Variants in TXNDC16 observed in about 807,000 individuals in gnomAD.
TXNDC16 encodes the protein thioredoxin domain containing 16.
In TXNDC16, 74 loss-of-function variants were observed where a neutral mutation model predicts 85.6. The observed-to-expected ratio is 0.86, with a 90% CI of 0.72 to 1.05. The LOEUF is 1.05. Ranked by LOEUF, TXNDC16 falls within the 50% of genes least tolerant of loss-of-function variation. TXNDC16 has a pLI of 0.00. For missense variants in TXNDC16, 959 were observed against 947.0 expected (o/e 1.01, Z -0.17); for synonymous variants, 335 against 326.5 (o/e 1.03, Z -0.28).
intron 16 of TXNDC16, among the ~76,000 whole-genome samples, chr14:52,464,482 T>C (rs1461847118): frequency 6.6e-6 from 1 of 152,176 alleles, no homozygotes; most frequent in African/African-American, 2.4e-5. Context: ...GTGTGAATAA[T>C]AAATGAGAAG....
At chr14:52,484,706 C>G (rs916095081) in intron 12 of TXNDC16, among the ~76,000 whole-genome samples, 8 of 152,140 alleles carry the variant, frequency 5.3e-5, no homozygotes, top group African/African-American at 1.9e-4. Flanking sequence ...ATGGTGAAAC[C>G]CCGTCTCTAC....
At chr14:52,434,568 CA>C (rs2034983525) in intron 20 of TXNDC16, among the ~76,000 whole-genome samples, 1 of 152,046 alleles carries the variant, frequency 6.6e-6, no homozygotes, top group Admixed American at 6.6e-5. Context: ...GTGTAAATCT[CA>C]AGTAAGAATT....
At chr14:52,527,481 T>C (rs2037364101) in intron 6 of TXNDC16, among the ~76,000 whole-genome samples, 1 of 152,198 alleles carries the variant, frequency 6.6e-6, no homozygotes, top group Non-Finnish European at 1.5e-5. Flanking sequence ...CAAATGCTTA[T>C]ATTTAGTGAT....
At chr14:52,529,327 T>C (rs1243784801) in intron 6 of TXNDC16, among the ~76,000 whole-genome samples, 1 of 128,966 alleles carries the variant, frequency 7.8e-6, no homozygotes, top group African/African-American at 3.0e-5. Context: ...TGTTGTGGGG[T>C]GGGAGGAGGG....
At chr14:52,440,795 C>A (rs1481151442) in intron 18 of TXNDC16, 71 bp from the exon 19 acceptor site, 11 of 1,375,738 alleles carry the variant, frequency 8.0e-6, no homozygotes, top group South Asian at 1.4e-5. Flanking sequence ...AGAAGACATT[C>A]AAATCACTCA....
intron 16 of TXNDC16, among the ~76,000 whole-genome samples, chr14:52,463,448 G>A (rs561533515): frequency 8.5e-5 from 13 of 152,278 alleles, no homozygotes; most frequent in African/African-American, 2.4e-4. Context: ...GAGTTTAACC[G>A]ATCAAAGAAC....
chr14:52,455,439 A>C lies in TXNDC16; in HGVS notation c.1727T>G (p.Leu576Arg). 2 of 1,614,026 alleles carry C rather than the reference A, an allele frequency of 1.2e-6. No individual in the cohort carries two copies. The highest frequency in any genetic ancestry group is 1.3e-5 in the African/African-American group (1 of 75,028). The change falls in exon 18 of 21, where the codon CTT (leucine) becomes CGT (arginine). Residue 576 changes from leucine to arginine, a missense_variant. By Grantham distance (102) the Leu-to-Arg change is moderately radical. Coordinates refer to ENST00000281741, the MANE Select transcript of TXNDC16 (RefSeq NM_020784.3). ...GTGTCTGGCAAGCAGCAGGGCTGGA[A>C]GACTTGCAGCATATTTGGTTGACCT... ...LLLSTKYAAS[L>R]PALLLARHTE...
chr14:52,448,319 A>C (rs2035331152), intron 18 of TXNDC16, among the ~76,000 whole-genome samples: 1 of 152,138 alleles, frequency 6.6e-6, no homozygotes, highest in Non-Finnish European at 1.5e-5. Flanking sequence ...CACACAATGT[A>C]GCTCCAATAC....
intron 17 of TXNDC16, among the ~76,000 whole-genome samples, chr14:52,456,867 C>T (rs947441924): frequency 1.3e-5 from 2 of 151,970 alleles, no homozygotes; most frequent in African/African-American, 2.4e-5. Context: ...TGGTGAAGTA[C>T]GAATCCAAGA....
At chr14:52,498,627 C>A (rs2036587334) in intron 9 of TXNDC16, among the ~76,000 whole-genome samples, 1 of 151,924 alleles carries the variant, frequency 6.6e-6, no homozygotes, top group Non-Finnish European at 1.5e-5. Context: ...GTAAAAGACC[C>A]TTATACTGAA....
chr14:52,432,497 C>CT lies in TXNDC16; in HGVS notation c.2284dup (p.Arg762LysfsTer16), dbSNP rs771605154. The CT allele has an allele frequency of 1.2e-6, 2 of 1,613,982 alleles. No individual in the cohort carries two copies. Among genetic ancestry groups the CT allele is most frequent in the Admixed American group, 3.3e-5 (2 of 60,008 alleles). The stretch of plus-strand genomic sequence containing the variant: ...TTCTTTCATACACTTGGGAACTTTC[C>CT]TAGTGCCACGTTGAGATGTTGCGGC... On this transcript the variant is annotated frameshift_variant, in exon 21 of 21. Transcript: ENST00000281741. LOFTEE classifies it low-confidence loss of function (END_TRUNC).
chr14:52,530,441 TA>T lies in TXNDC16; in HGVS notation c.392+6277del, dbSNP rs2037513264. On this transcript the variant is annotated intron_variant, in intron 6 of 20. Transcript: ENST00000281741. ...TAATATTATATATAATAATATATAA[TA>T]TATTATTATATAATAATATATATTA... 1.2e-4 allele frequency among the ~76,000 whole-genome samples: 2 copies of T among 16,632 alleles called. 1 individual carries two copies. Among genetic ancestry groups the T allele is most frequent in the African/African-American group, 6.5e-4 (2 of 3,074 alleles). The allele number at this position is 16,632 out of a possible 152,430, so 10.9% of individuals were successfully genotyped here.
At chr14:52,463,141 T>C (rs1464141458) in intron 16 of TXNDC16, among the ~76,000 whole-genome samples, 1 of 152,058 alleles carries the variant, frequency 6.6e-6, no homozygotes, top group Non-Finnish European at 1.5e-5. Flanking sequence ...TCAGACCTAA[T>C]TTGATCCTGG....
At chr14:52,448,222 A>G (rs1224636724) in intron 18 of TXNDC16, among the ~76,000 whole-genome samples, 1 of 152,122 alleles carries the variant, frequency 6.6e-6, no homozygotes, top group African/African-American at 2.4e-5. Context: ...ATTTAACCCA[A>G]AGAAGATTAC....
chr14:52,461,045 T>C (rs1046776078), intron 16 of TXNDC16, among the ~76,000 whole-genome samples: 8 of 151,508 alleles, frequency 5.3e-5, no homozygotes, highest in Non-Finnish European at 8.9e-5. Flanking sequence ...TTATTTAGTT[T>C]TATCTATATC....
chr14:52,508,700 A>T (rs1261384353), intron 9 of TXNDC16, among the ~76,000 whole-genome samples: 1 of 152,240 alleles, frequency 6.6e-6, no homozygotes, highest in Non-Finnish European at 1.5e-5. Context: ...GATTAACAAA[A>T]TGTGGCATAT....
chr14:52,484,646 G>A (rs766493505), intron 12 of TXNDC16, among the ~76,000 whole-genome samples: 2 of 152,124 alleles, frequency 1.3e-5, no homozygotes, highest in Admixed American at 6.5e-5. Flanking sequence ...TTGGGGGGCC[G>A]AGGTGGACGG....
At chr14:52,457,738 T>C (rs1047275869) in intron 16 of TXNDC16, among the ~76,000 whole-genome samples, 1 of 152,258 alleles carries the variant, frequency 6.6e-6, no homozygotes, top group Non-Finnish European at 1.5e-5. Flanking sequence ...TGAACTTTGA[T>C]TAATTTGTAT....
intron 14 of TXNDC16, among the ~76,000 whole-genome samples, chr14:52,471,274 T>C (rs910516446): frequency 2.6e-5 from 4 of 152,196 alleles, no homozygotes; most frequent in Non-Finnish European, 5.9e-5. Context: ...GAATTTTTAA[T>C]ATATCTAATT....
Sources: allele counts gnomAD v4.1 joint callset (sites outside exome capture counted in the v4.1 genomes callset), GRCh38; gene constraint gnomAD v4.1.1; transcripts MANE v1.5; gene names NCBI Gene and HGNC (gene_info 2026-07-23, HGNC 2026-07-21).